GAS7: variants seen among roughly 807,000 people sequenced by gnomAD.
GAS7 encodes growth arrest specific 7, also known as growth arrest-specific protein 7.
A neutral mutation model predicts 71.1 loss-of-function variants in GAS7; 28 were observed. The observed-to-expected ratio is 0.39, with a 90% CI of 0.29 to 0.54. GAS7 has a LOEUF of 0.54. Among genes scored for constraint, GAS7 ranks in the 20% least tolerant of loss-of-function variants. The pLI is 0.62. For synonymous variants in GAS7, 258 were observed against 245.8 expected, an observed-to-expected ratio of 1.05 and a Z score of -0.46; for missense variants, 436 against 627.8, an observed-to-expected ratio of 0.69 and a Z score of 3.27.
chr17:10,171,329 A>G (rs1265720833), intron 1 of GAS7, among the ~76,000 whole-genome samples: 1 of 152,148 alleles, frequency 6.6e-6, no homozygotes, highest in East Asian at 1.9e-4. Context: ...CAGGGCTCTG[A>G]CAGCGAACCC....
At chr17:10,139,590 T>C (rs1458681215) in intron 1 of GAS7, among the ~76,000 whole-genome samples, 1 of 152,220 alleles carries the variant, frequency 6.6e-6, no homozygotes, top group Non-Finnish European at 1.5e-5. Context: ...ATTTAAATAG[T>C]TCTGACTCCC....
chr17:9,932,175 C>T (rs1291318568), intron 9 of GAS7, among the ~76,000 whole-genome samples: 1 of 149,770 alleles, frequency 6.7e-6, no homozygotes, highest in African/African-American at 2.5e-5. Context: ...GGATGGTGCA[C>T]TCTGAAAGGT....
In GAS7 at chr17:10,026,352, A is replaced by G; in HGVS notation, c.184-6455T>C. The G allele has an allele frequency of 1.1e-6, 1 of 921,574 alleles. No homozygotes were observed. Among genetic ancestry groups the G allele is most frequent in the African/African-American group, 1.8e-5 (1 of 56,104 alleles). The allele number at this position is 921,574 out of a possible 1,614,324, so 57.1% of individuals were successfully genotyped here. ...CCACTCCCCCCACACCCAGATCTAT[A>G]TATAACAGCTCTGAAGTTGTCAGCC... On this transcript the variant is annotated intron_variant, in intron 1 of 13. Coordinates refer to ENST00000432992, the MANE Select transcript of GAS7 (RefSeq NM_201433.2). The surrounding 1 kb of genome is among the most constrained non-coding windows in gnomAD (Gnocchi z 4.5).
intron 5 of GAS7, among the ~76,000 whole-genome samples, chr17:9,954,452 C>CA (rs1276113466): frequency 7.8e-5 from 7 of 89,574 alleles, no homozygotes; most frequent in Admixed American, 7.8e-4. Context: ...GCCATCAGGG[C>CA]AGTCTGCAGT....
chr17:10,019,173 T>C (rs1448269442), intron 2 of GAS7, among the ~76,000 whole-genome samples: 1 of 152,140 alleles, frequency 6.6e-6, no homozygotes, highest in East Asian at 1.9e-4. Context: ...GTCATTGAGG[T>C]GTGGTCCTAT....
chr17:10,086,741 T>C (rs1042682459), intron 1 of GAS7, among the ~76,000 whole-genome samples: 14 of 152,256 alleles, frequency 9.2e-5, no homozygotes, highest in African/African-American at 2.7e-4. Flanking sequence ...GGGTCAGGTA[T>C]AATCTCAGAG....
chr17:10,132,699 C>A (rs1300437679), intron 1 of GAS7, among the ~76,000 whole-genome samples: 1 of 151,840 alleles, frequency 6.6e-6, no homozygotes, highest in Non-Finnish European at 1.5e-5. Flanking sequence ...ACCCAGGAGG[C>A]GGAGGGTGCA....
chr17:10,090,434 C>A (rs766859469), intron 1 of GAS7, among the ~76,000 whole-genome samples: 1 of 152,144 alleles, frequency 6.6e-6, no homozygotes, highest in Non-Finnish European at 1.5e-5. Flanking sequence ...GGAGATCTCT[C>A]ACAAACTTCA....
chr17:10,125,441 T>C (rs553522323), intron 1 of GAS7, among the ~76,000 whole-genome samples: 80 of 146,984 alleles, frequency 5.4e-4, no homozygotes, highest in African/African-American at 1.9e-3. Flanking sequence ...CGCTTGAACA[T>C]GGGAGGCAGA....
chr17:10,195,599 C>G (rs975138487), intron 1 of GAS7, among the ~76,000 whole-genome samples: 1 of 152,184 alleles, frequency 6.6e-6, no homozygotes, highest in African/African-American at 2.4e-5. Context: ...GCCTTCTGAA[C>G]TCCATGCTCC....
intron 2 of GAS7, among the ~76,000 whole-genome samples, chr17:9,988,943 G>C (rs1399433816): frequency 6.6e-6 from 1 of 150,422 alleles, no homozygotes; most frequent in African/African-American, 2.5e-5. Context: ...CCGCCTCCCA[G>C]GTTCCCGCCA....
intron 5 of GAS7, among the ~76,000 whole-genome samples, chr17:9,952,683 G>A (rs891945585): frequency 2.1e-4 from 32 of 152,140 alleles, no homozygotes; most frequent in Non-Finnish European, 7.3e-5. Context: ...GTGAGTCACC[G>A]CGCCCGGCCC....
At chr17:10,013,979 C>T (rs1025245350) in intron 2 of GAS7, among the ~76,000 whole-genome samples, 7 of 152,176 alleles carry the variant, frequency 4.6e-5, no homozygotes, top group South Asian at 2.1e-4. Flanking sequence ...TTGGTCACTG[C>T]GCAACAGTGG....
intron 1 of GAS7, among the ~76,000 whole-genome samples, chr17:10,180,223 C>T (rs911751765): frequency 4.0e-4 from 61 of 151,724 alleles, no homozygotes; most frequent in African/African-American, 1.5e-3. Context: ...TGCCTGTAAT[C>T]CCAGCTACTT....
At chr17:10,035,924 T>G (rs1216707684) in intron 1 of GAS7, among the ~76,000 whole-genome samples, 3 of 152,138 alleles carry the variant, frequency 2.0e-5, no homozygotes, top group African/African-American at 7.2e-5. Flanking sequence ...TCATAAAGTT[T>G]TATAGTCCTC....
chr17:10,009,427 A>G (rs189469107), intron 2 of GAS7, among the ~76,000 whole-genome samples: 85 of 152,212 alleles, frequency 5.6e-4, no homozygotes, highest in Non-Finnish European at 1.0e-3. Flanking sequence ...GAAAAATTAA[A>G]GCAAGAAATC....
rs139045164 is a variant in GAS7, at chr17:9,995,950, C to T, written c.305-14066G>A. ...GAGTGAAAGGCTCCAAAACACACTA[C>T]GTGTACAAAAGGTTCTCACTTTAAC... On this transcript the variant is annotated intron_variant, in intron 2 of 13. Coordinates refer to ENST00000432992, the MANE Select transcript of GAS7 (RefSeq NM_201433.2). Among the ~76,000 whole-genome samples, 661 of 152,260 alleles carry T rather than the reference C, an allele frequency of 4.3e-3. 5 individuals are homozygous for T. The highest frequency in any genetic ancestry group is 7.2e-3 in the Non-Finnish European group (489 of 68,016).
chr17:9,981,555 C>T lies in GAS7; in HGVS notation c.385+249G>A, dbSNP rs1251463689. ...GAAAGAGCTCTGACACCTCACCTCC[C>T]CCAGCCATCTCCTCCCACTAAGCGC... On this transcript the variant is annotated intron_variant, in intron 3 of 13. Coordinates refer to ENST00000432992, the MANE Select transcript of GAS7 (RefSeq NM_201433.2). This position sits in a 1 kb window ranked among gnomAD's most constrained non-coding sequence, Gnocchi z 4.4. Among the ~76,000 whole-genome samples, 2 of 152,154 alleles carry T rather than the reference C, an allele frequency of 1.3e-5. No individual in the cohort carries two copies. Among genetic ancestry groups the T allele is most frequent in the Non-Finnish European group, 2.9e-5 (2 of 68,030 alleles).
At chr17:10,108,373 G>A (rs557696012) in intron 1 of GAS7, among the ~76,000 whole-genome samples, 141 of 152,300 alleles carry the variant, frequency 9.3e-4, no homozygotes, top group Non-Finnish European at 1.8e-3. Flanking sequence ...TGATTCTTTA[G>A]CATGGAAATC....
Sources: allele counts gnomAD v4.1 joint callset (sites outside exome capture counted in the v4.1 genomes callset), GRCh38; gene constraint gnomAD v4.1.1; non-coding constraint Gnocchi (gnomAD v3.1); transcripts MANE v1.5; gene names NCBI Gene and HGNC (gene_info 2026-07-23, HGNC 2026-07-21).